The following RAD18 variants were observed in gnomAD, a reference collection of about 807,000 sequenced individuals.
The protein encoded by RAD18 is E3 ubiquitin-protein ligase RAD18.
A neutral mutation model predicts 60.4 loss-of-function variants in RAD18; 47 were observed. That is an observed-to-expected ratio of 0.78 (90% CI 0.62 to 0.99). The LOEUF is 0.99. Among genes scored for constraint, RAD18 ranks in the 50% least tolerant of loss-of-function variants. The pLI is 0.00. For synonymous variants in RAD18, 225 were observed against 195.5 expected, an observed-to-expected ratio of 1.15 and a Z score of -1.26; for missense variants, 640 against 593.3, an observed-to-expected ratio of 1.08 and a Z score of -0.82.
chr3:8,947,306 A>C lies in RAD18; in HGVS notation c.196-16T>G. 6.4e-7 allele frequency: 1 copy of C among 1,571,982 alleles called. No homozygotes were observed. Among genetic ancestry groups the C allele is most frequent in the Non-Finnish European group, 8.7e-7 (1 of 1,144,360 alleles). ...CTGTGACAGTCTAGAAAAAACAAAC[A>C]ACAGATGGAAAAAGGTCAAAAACAA... On this transcript the variant is annotated splice_polypyrimidine_tract_variant and intron_variant, in intron 3 of 12. Transcript: ENST00000264926.
At chr3:8,959,947 A>G (rs916140950) in intron 1 of RAD18, among the ~76,000 whole-genome samples, 1 of 152,076 alleles carries the variant, frequency 6.6e-6, no homozygotes, top group Non-Finnish European at 1.5e-5. Context: ...AGATAAGTGA[A>G]AAAAGGAAAT....
chr3:8,930,761 G>C (rs1226996605), intron 7 of RAD18, among the ~76,000 whole-genome samples: 1 of 152,096 alleles, frequency 6.6e-6, no homozygotes, highest in African/African-American at 2.4e-5. Context: ...ACTTAATAGT[G>C]AAAGACTAAA....
chr3:8,889,865 C>T (rs1418836109), intron 12 of RAD18, among the ~76,000 whole-genome samples: 1 of 152,156 alleles, frequency 6.6e-6, no homozygotes, highest in Non-Finnish European at 1.5e-5. Context: ...AAAGATCGCT[C>T]TAGCTGCATT....
At chr3:8,945,193 C>T (rs911946574) in intron 4 of RAD18, among the ~76,000 whole-genome samples, 1 of 152,080 alleles carries the variant, frequency 6.6e-6, no homozygotes, top group South Asian at 2.1e-4. Flanking sequence ...GGACCAATCC[C>T]CTTTACTGAG....
Position 8,890,454 on chromosome 3 carries a change from A to G in RAD18, c.1323-3T>C. The G allele has an allele frequency of 6.4e-7, 1 of 1,573,814 alleles. No individual in the cohort carries two copies. Among genetic ancestry groups the G allele is most frequent in the African/African-American group, 1.3e-5 (1 of 74,120 alleles). ...CTCTTATGATGTCTGAACTGGAACT[A>G]AAAGGATATGTACATCAGTATTGAC... On this transcript the variant is annotated splice_polypyrimidine_tract_variant and splice_region_variant and intron_variant, in intron 11 of 12. Coordinates refer to ENST00000264926, the MANE Select transcript of RAD18 (RefSeq NM_020165.4).
chr3:8,881,910 A>T (rs1005745275), intron 12 of RAD18, among the ~76,000 whole-genome samples: 1 of 152,262 alleles, frequency 6.6e-6, no homozygotes, highest in Admixed American at 6.5e-5. Context: ...CTTTTGGCAG[A>T]GTGTTGGAGA....
intron 12 of RAD18, among the ~76,000 whole-genome samples, chr3:8,883,085 A>G (rs1939499205): frequency 6.6e-6 from 1 of 152,232 alleles, no homozygotes; most frequent in African/African-American, 2.4e-5. Flanking sequence ...TTAAGATACA[A>G]AGAGAAAAAG....
At chr3:8,893,996 C>T (rs927564388) in intron 11 of RAD18, among the ~76,000 whole-genome samples, 1 of 152,046 alleles carries the variant, frequency 6.6e-6, no homozygotes, top group African/African-American at 2.4e-5. Flanking sequence ...ATCCAGCCTT[C>T]ACATTAGCTT....
At chr3:8,889,701 A>C (rs147889621) in intron 12 of RAD18, among the ~76,000 whole-genome samples, 55 of 152,292 alleles carry the variant, frequency 3.6e-4, no homozygotes, top group African/African-American at 1.3e-3. Flanking sequence ...AATATGAAGT[A>C]AATAATAAGA....
intron 7 of RAD18, among the ~76,000 whole-genome samples, chr3:8,918,173 C>T (rs9883629): frequency 0.01 from 1,527 of 152,068 alleles, 25 homozygotes; most frequent in African/African-American, 0.035. Flanking sequence ...CAAAAATTAG[C>T]ACGGCATGGT....
At chr3:8,918,685 G>C (rs1940255411) in intron 7 of RAD18, among the ~76,000 whole-genome samples, 1 of 152,144 alleles carries the variant, frequency 6.6e-6, no homozygotes, top group African/African-American at 2.4e-5. Context: ...AAAGCCTCAA[G>C]AAAAATCTAC....
At chr3:8,903,388 T>G (rs950293132) in intron 9 of RAD18, among the ~76,000 whole-genome samples, 1 of 145,656 alleles carries the variant, frequency 6.9e-6, no homozygotes. Context: ...TCTAGGAAAG[T>G]TGAATCATCA....
chr3:8,937,545 C>T (rs1438135819), intron 6 of RAD18, among the ~76,000 whole-genome samples: 1 of 150,134 alleles, frequency 6.7e-6, no homozygotes, highest in East Asian at 1.9e-4. Context: ...CAGCAGATGG[C>T]CTGTCAGAAT....
At chr3:8,910,531 C>T (rs1037718066) in intron 9 of RAD18, among the ~76,000 whole-genome samples, 1 of 151,966 alleles carries the variant, frequency 6.6e-6, no homozygotes, top group Non-Finnish European at 1.5e-5. Flanking sequence ...TGGCGTGAAC[C>T]CAGGAGGCAG....
At chr3:8,923,856 G>A (rs1450019417) in intron 7 of RAD18, among the ~76,000 whole-genome samples, 1 of 152,144 alleles carries the variant, frequency 6.6e-6, no homozygotes, top group African/African-American at 2.4e-5. Context: ...TTACAGACAA[G>A]CAAATGCTGG....
intron 7 of RAD18, among the ~76,000 whole-genome samples, chr3:8,923,161 C>G (rs1220730766): frequency 6.6e-6 from 1 of 152,056 alleles, no homozygotes; most frequent in South Asian, 2.1e-4. Flanking sequence ...AGTTAAGAAC[C>G]TTGAAAAAAG....
At chr3:8,896,040 T>C (rs1939776658) in intron 11 of RAD18, among the ~76,000 whole-genome samples, 1 of 152,160 alleles carries the variant, frequency 6.6e-6, no homozygotes, top group African/African-American at 2.4e-5. Flanking sequence ...ACCCACACAG[T>C]TCCTGTACCC....
chr3:8,939,650 T>A lies in RAD18; in HGVS notation c.608A>T (p.Asp203Val), dbSNP rs751524529. The change falls in exon 6 of 13, where the codon GAT becomes GTT. Residue 203 changes from aspartate to valine, a missense_variant. Coordinates refer to ENST00000264926, the MANE Select transcript of RAD18 (RefSeq NM_020165.4). ...TSTLKQVTKVDCPVCGVNIPE... is the reference protein window; with the variant it reads ...TSTLKQVTKVVCPVCGVNIPE... Reference sequence around the variant, plus strand: ...AATGTTAACCCCGCAAACAGGACAATCCACTGTATTTTTTAAAAAGAAAAA... The same window carrying A: ...AATGTTAACCCCGCAAACAGGACAAACCACTGTATTTTTTAAAAAGAAAAA... The A allele has an allele frequency of 1.9e-6, 3 of 1,608,038 alleles. No homozygotes were observed. Among genetic ancestry groups the A allele is most frequent in the Non-Finnish European group, 2.6e-6 (3 of 1,176,368 alleles).
chr3:8,961,182 A>G (rs967904174), intron 1 of RAD18, among the ~76,000 whole-genome samples: 2 of 152,194 alleles, frequency 1.3e-5, no homozygotes, highest in Admixed American at 6.5e-5. Flanking sequence ...CAGATGAGCC[A>G]TTTCTGGTTC....
Sources: gnomAD v4.1 joint callset for allele counts (sites outside exome capture counted in the v4.1 genomes callset) on GRCh38, gnomAD v4.1.1 for gene constraint, MANE v1.5 for transcripts, NCBI Gene and HGNC (gene_info 2026-07-23, HGNC 2026-07-21) for gene names.